The following PDGFD variants were observed in gnomAD, a reference collection of about 807,000 sequenced individuals.
PDGFD encodes the protein platelet-derived growth factor D.
A neutral mutation model predicts 44.7 loss-of-function variants in PDGFD; 30 were observed. That is an observed-to-expected ratio of 0.67 (90% CI 0.50 to 0.91). PDGFD has a LOEUF of 0.91. Ranked by LOEUF, PDGFD falls within the 40% of genes least tolerant of loss-of-function variation. The pLI is 0.00. For missense variants in PDGFD, 445 were observed against 457.8 expected (o/e 0.97, Z 0.25); for synonymous variants, 173 against 168.4 (o/e 1.03, Z -0.21).
At chr11:104,082,524 T>C (rs1315188579) in intron 1 of PDGFD, among the ~76,000 whole-genome samples, 1 of 152,144 alleles carries the variant, frequency 6.6e-6, no homozygotes, top group Non-Finnish European at 1.5e-5. Context: ...AAAATTTGCA[T>C]GACTGGATTT....
At chr11:104,106,520 G>A (rs1314679574) in intron 1 of PDGFD, among the ~76,000 whole-genome samples, 4 of 152,064 alleles carry the variant, frequency 2.6e-5, no homozygotes, top group East Asian at 1.9e-4. Flanking sequence ...TGGAACTGAC[G>A]CACAAAGACA....
intron 6 of PDGFD, among the ~76,000 whole-genome samples, chr11:103,915,172 T>A (rs1052785281): frequency 1.3e-5 from 2 of 152,224 alleles, no homozygotes; most frequent in Non-Finnish European, 2.9e-5. Flanking sequence ...TGTTTGCAGA[T>A]GACATGTTTG....
chr11:103,914,030 T>C (rs1858073550), intron 6 of PDGFD, among the ~76,000 whole-genome samples: 1 of 152,124 alleles, frequency 6.6e-6, no homozygotes, highest in Admixed American at 6.6e-5. Context: ...AGGGGGCAAC[T>C]TGCCTCTAAT....
chr11:104,086,164 C>T (rs766946644), intron 1 of PDGFD, among the ~76,000 whole-genome samples: 21 of 152,068 alleles, frequency 1.4e-4, no homozygotes, highest in Admixed American at 6.6e-5. Flanking sequence ...GGAGTAGCAG[C>T]AAAAACAGCA....
intron 1 of PDGFD, among the ~76,000 whole-genome samples, chr11:104,108,313 A>G (rs952783619): frequency 6.6e-6 from 1 of 152,100 alleles, no homozygotes; most frequent in African/African-American, 2.4e-5. Context: ...CATCTGACAA[A>G]AGGCTAATAT....
chr11:104,161,679 C>T (rs980251849), intron 1 of PDGFD, among the ~76,000 whole-genome samples: 1 of 152,076 alleles, frequency 6.6e-6, no homozygotes, highest in African/African-American at 2.4e-5. Flanking sequence ...GAACACAGAC[C>T]GTTGCAATAT....
At chr11:104,138,283 C>T (rs1591182639) in intron 1 of PDGFD, among the ~76,000 whole-genome samples, 3 of 152,166 alleles carry the variant, frequency 2.0e-5, no homozygotes, top group African/African-American at 4.8e-5. Context: ...CATTAAAAAA[C>T]TCACTTTTAT....
chr11:103,909,783 C>T lies in PDGFD; in HGVS notation c.1024G>A (p.Gly342Ser), dbSNP rs1255132056. Residue 342 changes from glycine to serine, a missense_variant, in exon 7 of 7, where the codon GGT becomes AGT. Transcript: ENST00000393158. ...ACTAGAGCCATGGTCTTAGCTCTAC[C>T]CCTCCTCTTGATGTGGCCAGGCTCA... ...QFEPGHIKRR[G>S]RAKTMALVDI... 2 of 1,614,004 alleles carry T rather than the reference C, an allele frequency of 1.2e-6. No homozygotes were observed. The highest frequency in any genetic ancestry group is 1.7e-5 in the Admixed American group (1 of 60,012).
At chr11:104,053,038 A>C (rs1860565518) in intron 1 of PDGFD, among the ~76,000 whole-genome samples, 1 of 152,160 alleles carries the variant, frequency 6.6e-6, no homozygotes, top group Admixed American at 6.6e-5. Flanking sequence ...AAAGTTTTCT[A>C]ATTATTCAGT....
At chr11:104,077,760 T>C (rs944511054) in intron 1 of PDGFD, among the ~76,000 whole-genome samples, 7 of 152,220 alleles carry the variant, frequency 4.6e-5, no homozygotes, top group Non-Finnish European at 8.8e-5. Flanking sequence ...AAACATATTT[T>C]AGTGTTTTGG....
At chr11:104,052,954 C>T (rs1025647836) in intron 1 of PDGFD, among the ~76,000 whole-genome samples, 3 of 151,894 alleles carry the variant, frequency 2.0e-5, no homozygotes, top group Admixed American at 1.3e-4. Flanking sequence ...ATTCACTGTC[C>T]GAGACACAGT....
chr11:103,923,329 C>A (rs963346744), intron 6 of PDGFD, among the ~76,000 whole-genome samples: 5 of 152,086 alleles, frequency 3.3e-5, no homozygotes, highest in Admixed American at 6.6e-5. Context: ...ACAGTGAAAA[C>A]CGCTCAAAAC....
intron 6 of PDGFD, among the ~76,000 whole-genome samples, chr11:103,913,724 T>G (rs11226072): frequency 0.46 from 69,619 of 151,944 alleles, 16,045 homozygotes; most frequent in South Asian, 0.49. Context: ...GCTGGTTTTT[T>G]GAAAAGATCA....
chr11:104,096,304 T>C (rs1481819753), intron 1 of PDGFD, among the ~76,000 whole-genome samples: 1 of 152,078 alleles, frequency 6.6e-6, no homozygotes, highest in African/African-American at 2.4e-5. Flanking sequence ...CTAACAATTA[T>C]TTAGGTATTG....
chr11:104,088,371 G>A (rs1861164518), intron 1 of PDGFD, among the ~76,000 whole-genome samples: 1 of 152,170 alleles, frequency 6.6e-6, no homozygotes, highest in Admixed American at 6.5e-5. Flanking sequence ...TACATACCCT[G>A]TGGAGCTCAA....
intron 1 of PDGFD, among the ~76,000 whole-genome samples, chr11:104,147,908 T>C (rs1197324907): frequency 6.6e-6 from 1 of 152,182 alleles, no homozygotes; most frequent in Non-Finnish European, 1.5e-5. Context: ...TTTTAAAAAA[T>C]GGTGAAGTGA....
chr11:103,957,060 T>G (rs1272067897), intron 3 of PDGFD, among the ~76,000 whole-genome samples: 6 of 152,170 alleles, frequency 3.9e-5, no homozygotes, highest in Admixed American at 1.3e-4. Flanking sequence ...CTCTTTAGTT[T>G]AATTAGATCC....
At chr11:104,141,675 T>C (rs560450676) in intron 1 of PDGFD, among the ~76,000 whole-genome samples, 1 of 152,174 alleles carries the variant, frequency 6.6e-6, no homozygotes, top group Admixed American at 6.5e-5. Context: ...AAATGCAATC[T>C]CACATGTCCC....
chr11:103,964,718 G>C (rs995661778), intron 3 of PDGFD, among the ~76,000 whole-genome samples: 1 of 151,994 alleles, frequency 6.6e-6, no homozygotes, highest in Non-Finnish European at 1.5e-5. Flanking sequence ...TCCTCTGTGA[G>C]GTGCACAGGG....
Sources: gnomAD v4.1 joint callset for allele counts (sites outside exome capture counted in the v4.1 genomes callset) on GRCh38, gnomAD v4.1.1 for gene constraint, MANE v1.5 for transcripts, NCBI Gene and HGNC (gene_info 2026-07-23, HGNC 2026-07-21) for gene names.